KLHL33: variants seen among roughly 807,000 people sequenced by gnomAD.
The protein encoded by KLHL33 is kelch like family member 33, also known as kelch-like protein 33.
In KLHL33, 46 loss-of-function variants were observed where a neutral mutation model predicts 60.8. The observed-to-expected ratio is 0.76, with a 90% CI of 0.60 to 0.97. The LOEUF is 0.97. Ranked by LOEUF, KLHL33 falls within the 50% of genes least tolerant of loss-of-function variation. KLHL33 has a pLI of 0.00. For synonymous variants in KLHL33, 434 were observed against 432.2 expected (o/e 1.00, Z -0.05); for missense variants, 1,055 against 1,000.0 (o/e 1.05, Z -0.74).
intron 2 of KLHL33, among the ~76,000 whole-genome samples, chr14:20,432,598 G>T (rs185248136): frequency 1.2e-3 from 182 of 152,154 alleles, no homozygotes; most frequent in African/African-American, 4.2e-3. Flanking sequence ...TTGGACAACT[G>T]GGAAAATATA....
chr14:20,427,709 T>A lies in KLHL33; in HGVS notation c.*1140A>T, dbSNP rs1338137439. 2 of 152,198 alleles carry A rather than the reference T, an allele frequency of 1.3e-5. No homozygotes were observed. Among genetic ancestry groups the A allele is most frequent in the African/African-American group, 2.4e-5 (1 of 41,448 alleles). The allele number at this position is 152,198 out of a possible 1,614,324, so 9.4% of individuals were successfully genotyped here. A position where few individuals can be genotyped will look rare whatever the true frequency, so the allele number is the denominator to read the frequency against. ...GTCTATCTGCTGGTCAGGAGCTCTC[T>A]GACCTCTGTATCTTGGTGCCTCCTA... On this transcript the variant is annotated 3_prime_UTR_variant, in exon 5 of 5. Coordinates refer to ENST00000636854, the MANE Select transcript of KLHL33 (RefSeq NM_001365790.2).
Position 20,430,232 on chromosome 14 carries a change from G to A in KLHL33, c.1236C>T (p.Pro412=), listed in dbSNP as rs111564971. ...CCTTGGCCTCTGACTCCTGGGTCTCGGGGTTGGCAGCCAGCCAACACCGTG... is the reference window on the plus strand; with the variant it reads ...CCTTGGCCTCTGACTCCTGGGTCTCAGGGTTGGCAGCCAGCCAACACCGTG... The part of the protein sequence containing the change: ...VAARCWLAAN[P]ETQESEAKAL... The change falls in exon 3 of 5, where the codon CCC becomes CCT. Residue 412 remains proline (P), a synonymous_variant. Coordinates refer to ENST00000636854, the MANE Select transcript of KLHL33 (RefSeq NM_001365790.2). 4.5e-5 allele frequency: 70 copies of A among 1,551,416 alleles called. No individual in the cohort carries two copies. Among genetic ancestry groups the A allele is most frequent in the Admixed American group, 1.2e-4 (6 of 50,984 alleles).
At position 20,426,201 on chromosome 14, in the gene KLHL33, T is replaced by C. The variant is rs1242720161; in HGVS notation, c.*2648A>G. On this transcript the variant is annotated 3_prime_UTR_variant, in exon 5 of 5. Transcript: ENST00000636854. ...TGAAAATCTTAATAAACAATGGTAA[T>C]AGAAAACTGACCTACACAGGCCGGG... 2 of 151,838 alleles carry C rather than the reference T, an allele frequency of 1.3e-5. No homozygotes were observed. The highest frequency in any genetic ancestry group is 2.9e-5 in the Non-Finnish European group (2 of 67,988). 9.4% of individuals were successfully genotyped at this position (151,838 alleles called of 1,614,324 possible).
rs1175610407 is a variant in KLHL33, at chr14:20,426,781, C to A, written c.*2068G>T. ...ACAATAGCAAAGACTTGGAACCAAC[C>A]CAAATGTCCAACAATGATAGACCGG... On this transcript the variant is annotated 3_prime_UTR_variant, in exon 5 of 5. Coordinates refer to ENST00000636854, the MANE Select transcript of KLHL33 (RefSeq NM_001365790.2). 3 of 152,008 alleles carry A rather than the reference C, an allele frequency of 2.0e-5. No homozygotes were observed. Among genetic ancestry groups the A allele is most frequent in the Non-Finnish European group, 4.4e-5 (3 of 68,018 alleles). The allele number at this position is 152,008 out of a possible 1,614,324, so 9.4% of individuals were successfully genotyped here.
At chr14:20,432,339 C>T (rs12890869) in intron 2 of KLHL33, among the ~76,000 whole-genome samples, 17,862 of 151,934 alleles carry the variant, frequency 0.12, 1,223 homozygotes, top group East Asian at 0.18. Flanking sequence ...CCTTGAACTC[C>T]TGGCCTCAAG....
intron 2 of KLHL33, among the ~76,000 whole-genome samples, chr14:20,432,938 G>GAAAGAAAGAAAGAAAGAAAGAA (rs1880559901): frequency 1.4e-5 from 2 of 147,362 alleles, no homozygotes; most frequent in South Asian, 2.2e-4. Context: ...AAGAAAGAAA[G>GAAAGAAAGAAAGAAAGAAAGAA]AAAGAAAGAA....
chr14:20,435,238 G>C lies in KLHL33; in HGVS notation c.574C>G (p.Arg192Gly). The stretch of plus-strand genomic sequence containing the variant: ...GTCTGCTGGGCAGCAGCCTTCACCC[G>C]GGGCGCTCCCAGCGCCTCTGCTGCG... The part of the protein sequence containing the change: ...LAAAEALGAP[R>G]VKAAAQQTCE... Residue 192 changes from arginine (R) to glycine (G), a missense_variant, in exon 2 of 5, where the codon CGG (arginine) becomes GGG (glycine). By Grantham distance (125) the Arg-to-Gly change is moderately radical. Coordinates refer to ENST00000636854, the MANE Select transcript of KLHL33 (RefSeq NM_001365790.2). 2.4e-6 allele frequency: 3 copies of C among 1,234,376 alleles called. No individual in the cohort carries two copies. Among genetic ancestry groups the C allele is most frequent in the Non-Finnish European group, 3.0e-6 (3 of 988,186 alleles). The allele number at this position is 1,234,376 out of a possible 1,614,324, so 76.5% of individuals were successfully genotyped here.
intron 2 of KLHL33, 150 bp from the exon 3 acceptor site, chr14:20,430,869 A>G: frequency 1.7e-6 from 1 of 600,634 alleles, no homozygotes; most frequent in Non-Finnish European, 2.9e-6. Flanking sequence ...TGTGCATCAG[A>G]ATACCATGGG....
chr14:20,431,265 A>C (rs1021435879), intron 2 of KLHL33, among the ~76,000 whole-genome samples: 2 of 152,128 alleles, frequency 1.3e-5, no homozygotes, highest in Admixed American at 1.3e-4. Context: ...CTGTAATCCA[A>C]CCTCATCGGA....
At chr14:20,435,895 A>C in intron 1 of KLHL33, 65 bp from the exon 2 acceptor site, 6 of 1,147,448 alleles carry the variant, frequency 5.2e-6, no homozygotes, top group Non-Finnish European at 5.5e-6. Flanking sequence ...CAGAGCAACC[A>C]TGTCTCCAGC....
At chr14:20,434,278 G>A (rs1880613223) in intron 2 of KLHL33, among the ~76,000 whole-genome samples, 1 of 152,144 alleles carries the variant, frequency 6.6e-6, no homozygotes, top group South Asian at 2.1e-4. Context: ...CGGGTGCAGT[G>A]ACTCATGCCT....
In KLHL33 at chr14:20,429,795, C is replaced by A; in HGVS notation, c.1673G>T (p.Arg558Met). ...SHSNTLASTL[R>M]WEPSQEDWEE... is the part of the protein sequence containing the mutation. Reference sequence around the variant, plus strand: ...CCTGCCCACTCCTAGAAGCTTATACCTGAGAGTTGAAGCCAGGGTGTTGGA... The same window carrying A: ...CCTGCCCACTCCTAGAAGCTTATACATGAGAGTTGAAGCCAGGGTGTTGGA... The change falls in exon 3 of 5, where the codon AGG becomes ATG. Residue 558 changes from arginine (R) to methionine (M), a missense_variant and splice_region_variant. Arg to Met is a moderately conservative substitution (Grantham distance 91, BLOSUM62 -1). Transcript: ENST00000636854. 6.5e-7 allele frequency: 1 copy of A among 1,531,878 alleles called. No homozygotes were observed. Among genetic ancestry groups the A allele is most frequent in the Non-Finnish European group, 8.8e-7 (1 of 1,136,416 alleles). 94.9% of individuals were successfully genotyped at this position (1,531,878 alleles called of 1,614,324 possible).
At chr14:20,431,584 C>T (rs1166393285) in intron 2 of KLHL33, among the ~76,000 whole-genome samples, 2 of 152,084 alleles carry the variant, frequency 1.3e-5, no homozygotes, top group Non-Finnish European at 2.9e-5. Context: ...AAACATTAGC[C>T]GGGCATGGTG....
chr14:20,427,119 C>T lies in KLHL33; in HGVS notation c.*1730G>A, dbSNP rs1880309034. On this transcript the variant is annotated 3_prime_UTR_variant, in exon 5 of 5. Transcript: ENST00000636854. ...TAATGGGTGCAGCACACCAGCATGG[C>T]ACATGTATACATATGTAACTAACCT... 6.7e-6 allele frequency: 1 copy of T among 149,382 alleles called. No individual in the cohort carries two copies. The highest frequency in any genetic ancestry group is 1.5e-5 in the Non-Finnish European group (1 of 67,550). The allele number at this position is 149,382 out of a possible 1,614,324, so 9.3% of individuals were successfully genotyped here. A position where few individuals can be genotyped will look rare whatever the true frequency, so the allele number is the denominator to read the frequency against.
rs34062131 is a variant in KLHL33 at position 20,429,099 on chromosome 14, AG to A, written c.2143del (p.Leu715TyrfsTer62). The part of the protein sequence containing the change: ...RTDSWTHLAP[L>X]PSPHVGAASA... Reference sequence around the variant, plus strand: ...TGCAGCCCCCACATGGGGGGAGGGTAGGGGTGCCAGGTGAGTCCAGCTATCA... The same window carrying A: ...TGCAGCCCCCACATGGGGGGAGGGTAGGGTGCCAGGTGAGTCCAGCTATCA... On this transcript the variant is annotated frameshift_variant, in exon 5 of 5. Transcript: ENST00000636854. LOFTEE classifies it high-confidence loss of function. 1.3e-6 allele frequency: 2 copies of A among 1,551,698 alleles called. No individual in the cohort carries two copies. Among genetic ancestry groups the A allele is most frequent in the Non-Finnish European group, 8.7e-7 (1 of 1,146,980 alleles).
In KLHL33 at chr14:20,435,755, G is replaced by A. The variant is rs1016763015; in HGVS notation, c.57C>T (p.Pro19=). Residue 19 remains proline, a synonymous_variant, in exon 2 of 5, where the codon CCC becomes CCT. Coordinates refer to ENST00000636854, the MANE Select transcript of KLHL33 (RefSeq NM_001365790.2). The part of the protein sequence containing the change: ...YPPELESVSH[P]VQRDCLGLLV... ...GGAGTCCAAGGCAGTCCCTCTGGAC[G>A]GGATGAGAGACACTCTCCAGCTCAG... is the stretch of plus-strand genomic sequence containing the variant. 2 of 1,234,332 alleles carry A rather than the reference G, an allele frequency of 1.6e-6. No individual in the cohort carries two copies. Among genetic ancestry groups the A allele is most frequent in the African/African-American group, 1.6e-5 (1 of 64,490 alleles). The allele number at this position is 1,234,332 out of a possible 1,614,324, so 76.5% of individuals were successfully genotyped here.
Position 20,435,762 on chromosome 14 carries a change from G to C in KLHL33, c.50C>G (p.Ser17Cys). The C allele has an allele frequency of 8.1e-7, 1 of 1,234,488 alleles. No individual in the cohort carries two copies. The allele number at this position is 1,234,488 out of a possible 1,614,324, so 76.5% of individuals were successfully genotyped here. A position where few individuals can be genotyped will look rare whatever the true frequency, so the allele number is the denominator to read the frequency against. Residue 17 changes from serine (S) to cysteine (C), a missense_variant, in exon 2 of 5, where the codon TCT (serine) becomes TGT (cysteine). Physicochemically the swap from Ser to Cys is moderately radical, Grantham distance 112. Coordinates refer to ENST00000636854, the MANE Select transcript of KLHL33 (RefSeq NM_001365790.2). ...AAGGCAGTCCCTCTGGACGGGATGA[G>C]AGACACTCTCCAGCTCAGGGGGATA... ...PHYPPELESV[S>C]HPVQRDCLGL...
rs985065098 is a variant in KLHL33, at chr14:20,430,076, G to A, written c.1392C>T (p.Gly464=). The change falls in exon 3 of 5, where the codon GGC becomes GGT. Residue 464 remains glycine (G), a synonymous_variant. Coordinates refer to ENST00000636854, the MANE Select transcript of KLHL33 (RefSeq NM_001365790.2). ...HQLMVEADVP[G]QERRREPDRA... ...GGTCAGGCTCCCTCCGTCTCTCTTG[G>A]CCTGGAACATCAGCCTCTACCATCA... 1.3e-6 allele frequency: 2 copies of A among 1,551,758 alleles called. No homozygotes were observed. The highest frequency in any genetic ancestry group is 1.7e-6 in the Non-Finnish European group (2 of 1,147,018).
chr14:20,432,434 T>C (rs369976770), intron 2 of KLHL33, among the ~76,000 whole-genome samples: 1 of 151,624 alleles, frequency 6.6e-6, no homozygotes, highest in Non-Finnish European at 1.5e-5. Context: ...ATCTTACATG[T>C]TATTGTCTTT....
Sources: allele counts gnomAD v4.1 joint callset (sites outside exome capture counted in the v4.1 genomes callset), GRCh38; gene constraint gnomAD v4.1.1; transcripts MANE v1.5; gene names NCBI Gene and HGNC (gene_info 2026-07-23, HGNC 2026-07-21).